Variants in AGO2 observed in about 807,000 individuals in gnomAD.
AGO2 encodes the protein protein argonaute-2.
AGO2 carries 5 observed loss-of-function variants against 102.3 expected under a neutral mutation model. The observed-to-expected ratio is 0.05, with a 90% CI of 0.03 to 0.10. The LOEUF (loss-of-function observed/expected upper bound fraction) is 0.10. Ranked by LOEUF, AGO2 falls within the 10% of genes least tolerant of loss-of-function variation. AGO2 has a pLI of 1.00. For missense variants in AGO2, 541 were observed against 1,183.7 expected, an observed-to-expected ratio of 0.46 and a Z score of 7.97; for synonymous variants, 449 against 473.1, an observed-to-expected ratio of 0.95 and a Z score of 0.66.
At chr8:140,621,561 C>T (rs1013022530) in intron 1 of AGO2, among the ~76,000 whole-genome samples, 3 of 152,136 alleles carry the variant, frequency 2.0e-5, no homozygotes, top group African/African-American at 7.2e-5. Flanking sequence ...GTCTGGGTAC[C>T]GGACTCCCTT....
rs940560632 is a variant in AGO2, at chr8:140,589,801, C to T, written c.23-4490G>A. Among the ~76,000 whole-genome samples the T allele has an allele frequency of 3.3e-5, 5 of 152,046 alleles. No homozygotes were observed. The East Asian group carries it at 7.8e-4, about 24-fold the overall frequency. On this transcript the variant is annotated intron_variant, in intron 1 of 18. Coordinates refer to ENST00000220592, the MANE Select transcript of AGO2 (RefSeq NM_012154.5). This position sits in a 1 kb window ranked among gnomAD's most constrained non-coding sequence, Gnocchi z 4.2. ...GCCACCGAGATCCGTGCCATCAGCA[C>T]GAGCCGCAGAACAGGACGGAGTGAT... is the stretch of plus-strand genomic sequence containing the variant.
At chr8:140,599,880 C>T (rs533841970) in intron 1 of AGO2, among the ~76,000 whole-genome samples, 12 of 152,308 alleles carry the variant, frequency 7.9e-5, no homozygotes, top group African/African-American at 2.9e-4. Context: ...CACCATCACA[C>T]CTGGCTGATT....
Position 140,558,497 on chromosome 8 carries a change from G to A in AGO2, c.866C>T (p.Ala289Val). The change falls in exon 7 of 19, where the codon GCC (alanine) becomes GTC (valine). Residue 289 changes from alanine to valine, a missense_variant. Ala to Val is a moderately conservative substitution (Grantham distance 64, BLOSUM62 0). Coordinates refer to ENST00000220592, the MANE Select transcript of AGO2 (RefSeq NM_012154.5). ...YRVCNVTRRP[A>V]SHQTFPLQQE... ...AAGGGCGTGTTACGTTTGGTGACTG[G>A]CGGGCCGCCGGGTCACATTGCAGAC... 6.2e-7 allele frequency: 1 copy of A among 1,614,228 alleles called. No homozygotes were observed. Among genetic ancestry groups the A allele is most frequent in the Non-Finnish European group, 8.5e-7 (1 of 1,180,040 alleles).
intron 5 of AGO2, among the ~76,000 whole-genome samples, 189 bp downstream of exon 5, chr8:140,560,185 C>T (rs1314295037): frequency 6.6e-6 from 1 of 152,254 alleles, no homozygotes; most frequent in Non-Finnish European, 1.5e-5. Flanking sequence ...TGGCTTCACG[C>T]TGGCCTGAGA....
At chr8:140,578,980 A>G (rs2073509378) in intron 2 of AGO2, among the ~76,000 whole-genome samples, 1 of 152,236 alleles carries the variant, frequency 6.6e-6, no homozygotes, top group South Asian at 2.1e-4. Context: ...TTTTGCCTTA[A>G]TACATTCTCA....
chr8:140,610,028 TA>T (rs55637374), intron 1 of AGO2, among the ~76,000 whole-genome samples: 28 of 126,562 alleles, frequency 2.2e-4, no homozygotes, highest in South Asian at 1.1e-3. Context: ...ACCTTGACTC[TA>T]AAAAAAAAAA....
intron 17 of AGO2, 38 bp downstream of exon 17, chr8:140,535,430 C>T (rs780476795): frequency 2.8e-5 from 44 of 1,597,954 alleles, no homozygotes; most frequent in Middle Eastern, 3.3e-4. Flanking sequence ...ACACGGCAGA[C>T]GGCCAAGACT....
At chr8:140,584,192 A>G (rs902181240) in intron 2 of AGO2, among the ~76,000 whole-genome samples, 2 of 152,164 alleles carry the variant, frequency 1.3e-5, no homozygotes, top group African/African-American at 4.8e-5. Flanking sequence ...GCTGGAAATA[A>G]TATATCACTT....
At chr8:140,591,626 G>C (rs1450708209) in intron 1 of AGO2, 2 of 152,238 alleles carry the variant, frequency 1.3e-5, no homozygotes, top group Admixed American at 6.5e-5. Flanking sequence ...GGAATTTCCT[G>C]TTGGGGTTTT....
At chr8:140,605,212 A>G (rs987452726) in intron 1 of AGO2, among the ~76,000 whole-genome samples, 3 of 152,152 alleles carry the variant, frequency 2.0e-5, no homozygotes, top group African/African-American at 7.2e-5. Flanking sequence ...TTCCCACCTC[A>G]GCCTCCTGAG....
intron 1 of AGO2, among the ~76,000 whole-genome samples, chr8:140,634,981 G>C (rs1051671350): frequency 6.6e-6 from 1 of 151,704 alleles, no homozygotes; most frequent in Admixed American, 6.6e-5. Context: ...CCTCCCGCCC[G>C]TGCGCGCCCC....
chr8:140,582,165 A>G (rs1046214654), intron 2 of AGO2, among the ~76,000 whole-genome samples: 3 of 152,384 alleles, frequency 2.0e-5, no homozygotes, highest in Middle Eastern at 3.4e-3. Context: ...GTAAAGAACA[A>G]CAAATTTGGA....
chr8:140,567,716 C>T lies in AGO2; in HGVS notation c.337-5082G>A, dbSNP rs532327844. Among the ~76,000 whole-genome samples, 3 of 152,196 alleles carry T rather than the reference C, an allele frequency of 2.0e-5. No homozygotes were observed. The highest frequency in any genetic ancestry group is 4.1e-4 in the South Asian group (2 of 4,834). The stretch of plus-strand genomic sequence containing the variant: ...CCAATCTCCCCAGACAAGCCAAACC[C>T]GCAGGCTGGCCTCCCTGTCCGGAAA... On this transcript the variant is annotated intron_variant, in intron 3 of 18. Coordinates refer to ENST00000220592, the MANE Select transcript of AGO2 (RefSeq NM_012154.5). This position sits in a 1 kb window ranked among gnomAD's most constrained non-coding sequence, Gnocchi z 5.0.
chr8:140,556,935 A>C (rs2073106077), intron 8 of AGO2, among the ~76,000 whole-genome samples, 154 bp downstream of exon 8: 1 of 152,202 alleles, frequency 6.6e-6, no homozygotes, highest in African/African-American at 2.4e-5. Context: ...CCGAGGTGTA[A>C]CAAAGCCCAT....
chr8:140,569,539 T>C (rs551525015), intron 3 of AGO2, among the ~76,000 whole-genome samples: 74 of 152,282 alleles, frequency 4.9e-4, no homozygotes, highest in Non-Finnish European at 9.9e-4. Context: ...AATTTTCTAT[T>C]CAACTGAGCA....
intron 1 of AGO2, among the ~76,000 whole-genome samples, chr8:140,621,277 G>A (rs867951179): frequency 4.6e-5 from 7 of 152,204 alleles, no homozygotes; most frequent in Middle Eastern, 3.4e-3. Flanking sequence ...AGCAGTCCCC[G>A]ACACCCCATG....
intron 1 of AGO2, among the ~76,000 whole-genome samples, chr8:140,620,310 C>T (rs2074202784): frequency 6.6e-6 from 1 of 152,266 alleles, no homozygotes; most frequent in Non-Finnish European, 1.5e-5. Flanking sequence ...CTAACCTGCC[C>T]TACGATCAGA....
chr8:140,545,129 T>TCCATTTCCCC (rs2072876677), intron 13 of AGO2, among the ~76,000 whole-genome samples: 2 of 151,916 alleles, frequency 1.3e-5, no homozygotes, highest in Non-Finnish European at 2.9e-5. Flanking sequence ...TCCATTTCCC[T>TCCATTTCCCC]GCATGCCTGT....
chr8:140,594,332 C>A (rs1344513558), intron 1 of AGO2, among the ~76,000 whole-genome samples: 1 of 152,192 alleles, frequency 6.6e-6, no homozygotes, highest in Non-Finnish European at 1.5e-5. Flanking sequence ...CAAATAGAAA[C>A]TGTAAATAGA....
Sources: allele counts gnomAD v4.1 joint callset (sites outside exome capture counted in the v4.1 genomes callset), GRCh38; gene constraint gnomAD v4.1.1; non-coding constraint Gnocchi (gnomAD v3.1); transcripts MANE v1.5; gene names NCBI Gene and HGNC (gene_info 2026-07-23, HGNC 2026-07-21).